Variants in IFT74 observed in about 807,000 individuals in gnomAD.
IFT74 encodes the protein intraflagellar transport protein 74 homolog.
IFT74 carries 92 observed loss-of-function variants against 96.7 expected under a neutral mutation model. The observed-to-expected ratio is 0.95, with a 90% CI of 0.80 to 1.13. The LOEUF is 1.13. IFT74 is among the 50% of genes most tolerant of loss of function. The pLI, the probability that IFT74 is intolerant of heterozygous loss-of-function variation, is 0.00. For synonymous variants in IFT74, 223 were observed against 213.2 expected (o/e 1.05, Z -0.40); for missense variants, 811 against 698.2 (o/e 1.16, Z -1.82).
chr9:27,041,471 C>T (rs962444197), intron 13 of IFT74, among the ~76,000 whole-genome samples: 7 of 152,082 alleles, frequency 4.6e-5, no homozygotes, highest in South Asian at 2.1e-4. Context: ...GTAAATTTAT[C>T]GGAAATAAAT....
chr9:26,996,339 G>C (rs746393675), intron 8 of IFT74: 1 of 1,601,794 alleles, frequency 6.2e-7, no homozygotes, highest in African/African-American at 1.3e-5. Context: ...TGTTCGAAGA[G>C]CTATTAAATA....
chr9:27,018,841 T>A (rs1050795404), intron 12 of IFT74, among the ~76,000 whole-genome samples, 154 bp downstream of exon 12: 16 of 152,218 alleles, frequency 1.1e-4, no homozygotes, highest in Admixed American at 2.0e-4. Flanking sequence ...ATAATTTTTT[T>A]ATAAGTATCT....
intron 13 of IFT74, among the ~76,000 whole-genome samples, chr9:27,044,279 G>A (rs1015929352): frequency 5.3e-5 from 8 of 152,160 alleles, no homozygotes; most frequent in African/African-American, 1.7e-4. Context: ...CCCTAACCTA[G>A]ATTAGTTGCC....
At chr9:26,997,182 A>C (rs1466083071) in intron 8 of IFT74, among the ~76,000 whole-genome samples, 1 of 151,420 alleles carries the variant, frequency 6.6e-6, no homozygotes, top group Non-Finnish European at 1.5e-5. Context: ...AATGCATTCC[A>C]GCCTGGGTAA....
Position 27,048,205 on chromosome 9 carries a change from C to A in IFT74, c.1264C>A (p.Gln422Lys). Residue 422 changes from glutamine to lysine, a missense_variant, in exon 16 of 20, where the codon CAG (glutamine) becomes AAG (lysine). Physicochemically the swap from Gln to Lys is moderately conservative, Grantham distance 53 (BLOSUM62 1). Transcript: ENST00000380062. ...SITNQELKMM[Q>K]DDLNFKSTEV... is the part of the protein sequence containing the mutation. ...CACCAATCAAGAGCTAAAGATGATG[C>A]AGGATGACCTCAATTTTAAATCTAC... 6.2e-7 allele frequency: 1 copy of A among 1,600,646 alleles called. No homozygotes were observed.
At chr9:26,973,692 A>G (rs1448781771) in intron 2 of IFT74, among the ~76,000 whole-genome samples, 2 of 152,090 alleles carry the variant, frequency 1.3e-5, no homozygotes, top group African/African-American at 2.4e-5. Flanking sequence ...TGACTTTTGT[A>G]TTTTCCAAGA....
intron 6 of IFT74, 70 bp downstream of exon 6, chr9:26,984,629 C>A: frequency 8.5e-7 from 1 of 1,182,800 alleles, no homozygotes. Context: ...TTTAAAAATA[C>A]ATTAGTAGGC....
chr9:26,951,077 T>C (rs1041632616), intron 1 of IFT74, among the ~76,000 whole-genome samples: 1 of 152,234 alleles, frequency 6.6e-6, no homozygotes, highest in African/African-American at 2.4e-5. Flanking sequence ...ATGTCCGTAA[T>C]GACAGTAGTT....
intron 2 of IFT74, 101 bp from the exon 3 acceptor site, chr9:26,978,027 A>G (rs1220090090): frequency 3.3e-6 from 3 of 904,384 alleles, no homozygotes; most frequent in Non-Finnish European, 4.8e-6. Flanking sequence ...CAAATCAAGT[A>G]GAATTTTGTT....
intron 12 of IFT74, among the ~76,000 whole-genome samples, chr9:27,022,865 C>T (rs1829678202): frequency 6.6e-6 from 1 of 151,868 alleles, no homozygotes; most frequent in South Asian, 2.1e-4. Flanking sequence ...ATGGTCTTGA[C>T]CTGACCTTGT....
chr9:26,951,388 A>T (rs1287551921), intron 1 of IFT74, among the ~76,000 whole-genome samples: 1 of 149,698 alleles, frequency 6.7e-6, no homozygotes, highest in African/African-American at 2.4e-5. Flanking sequence ...ATTGTTTAGC[A>T]TTTTTTTTTT....
At chr9:26,973,333 C>G (rs1826960503) in intron 2 of IFT74, among the ~76,000 whole-genome samples, 1 of 152,176 alleles carries the variant, frequency 6.6e-6, no homozygotes, top group African/African-American at 2.4e-5. Flanking sequence ...GGGAGACATA[C>G]AGGGTTTAAG....
At chr9:26,978,286 G>T in intron 3 of IFT74, 23 bp downstream of exon 3, 6 of 1,609,602 alleles carry the variant, frequency 3.7e-6, no homozygotes, top group South Asian at 1.1e-5. Flanking sequence ...AGATAAGTAT[G>T]ACACTTGGGC....
chr9:27,013,006 T>C (rs902175842), intron 10 of IFT74, among the ~76,000 whole-genome samples: 4 of 152,130 alleles, frequency 2.6e-5, no homozygotes, highest in Non-Finnish European at 5.9e-5. Context: ...CGTGAGCCAC[T>C]GCGCCCAGCC....
At chr9:27,016,357 C>T (rs568153458) in intron 10 of IFT74, among the ~76,000 whole-genome samples, 9 of 152,112 alleles carry the variant, frequency 5.9e-5, no homozygotes, top group African/African-American at 2.2e-4. Flanking sequence ...GGATTAGGGC[C>T]CACCCCTAAT....
chr9:26,951,961 G>A (rs1587216701), upstream of IFT74, among the ~76,000 whole-genome samples: 2 of 152,056 alleles, frequency 1.3e-5, no homozygotes, highest in Admixed American at 1.3e-4. Context: ...AATCACATTC[G>A]TCTTGCCAGT....
At chr9:27,025,488 G>T (rs1829821609) in intron 12 of IFT74, among the ~76,000 whole-genome samples, 1 of 140,608 alleles carries the variant, frequency 7.1e-6, no homozygotes, top group Non-Finnish European at 1.6e-5. Flanking sequence ...GAATGTCAAA[G>T]ATTACAACTG....
At chr9:27,009,306 A>G (rs1020443201) in intron 9 of IFT74, 148 bp downstream of exon 9, 2 of 553,934 alleles carry the variant, frequency 3.6e-6, no homozygotes, top group East Asian at 2.9e-5. Context: ...TCTGATTCAT[A>G]CGTATATTCA....
chr9:27,009,861 A>G (rs1007396653), intron 9 of IFT74, among the ~76,000 whole-genome samples: 36 of 152,166 alleles, frequency 2.4e-4, no homozygotes, highest in African/African-American at 7.0e-4. Flanking sequence ...GTACATATTT[A>G]TGGGGTACAT....
Sources: gnomAD v4.1 joint callset for allele counts (sites outside exome capture counted in the v4.1 genomes callset) on GRCh38, gnomAD v4.1.1 for gene constraint, MANE v1.5 for transcripts, NCBI Gene and HGNC (gene_info 2026-07-23, HGNC 2026-07-21) for gene names.